Variants in CDH18 observed in about 807,000 individuals in gnomAD.
CDH18 encodes the protein cadherin-18.
Under a neutral mutation model 67.9 loss-of-function variants are expected in CDH18, and 31 were observed. That is an observed-to-expected ratio of 0.46 (90% CI 0.34 to 0.62). The LOEUF is 0.62. Ranked by LOEUF, CDH18 falls within the 20% of genes least tolerant of loss-of-function variation. The pLI, the probability that CDH18 is intolerant of heterozygous loss-of-function variation, is 0.01. For synonymous variants in CDH18, 362 were observed against 347.2 expected, an observed-to-expected ratio of 1.04 and a Z score of -0.48; for missense variants, 890 against 975.5, an observed-to-expected ratio of 0.91 and a Z score of 1.17.
chr5:20,527,690 CT>C (rs1270489108), intron 1 of CDH18, among the ~76,000 whole-genome samples: 1 of 151,992 alleles, frequency 6.6e-6, no homozygotes, highest in Non-Finnish European at 1.5e-5. Flanking sequence ...AAATAGAATC[CT>C]TTTCACACAA....
chr5:20,477,668 G>A (rs948306558), intron 1 of CDH18, among the ~76,000 whole-genome samples: 2 of 152,276 alleles, frequency 1.3e-5, no homozygotes, highest in South Asian at 2.1e-4. Context: ...GGGCTAAAGC[G>A]ATCTGGAATG....
intron 2 of CDH18, among the ~76,000 whole-genome samples, chr5:20,212,503 G>A (rs975057064): frequency 6.6e-6 from 1 of 151,948 alleles, no homozygotes; most frequent in Admixed American, 6.6e-5. Flanking sequence ...TGAAATGAAG[G>A]AAAAAATGTT....
chr5:19,588,923 A>G (rs570287160), intron 7 of CDH18, among the ~76,000 whole-genome samples: 1 of 152,238 alleles, frequency 6.6e-6, no homozygotes, highest in East Asian at 1.9e-4. Flanking sequence ...CTTCAAAGAG[A>G]CTTAGACTCC....
At position 19,994,734 on chromosome 5, in the gene CDH18, TATATAGAGAGAG is replaced by T. The variant is rs1457271165; in HGVS notation, c.-517-2732_-517-2721del. 5.1e-3 allele frequency among the ~76,000 whole-genome samples: 51 copies of T among 9,910 alleles called. 2 individuals carry two copies. The highest frequency in any genetic ancestry group is 0.012 in the Admixed American group (6 of 510). The allele number at this position is 9,910 out of a possible 152,430, so 6.5% of individuals were successfully genotyped here. A position where few individuals can be genotyped will look rare whatever the true frequency, so the allele number is the denominator to read the frequency against. The stretch of plus-strand genomic sequence containing the variant: ...ATATATATATATATATATATATATA[TATATAGAGAGAG>T]AGAGAGAGAGAGAGAGAGAGAGAGA... On this transcript the variant is annotated intron_variant, in intron 2 of 14. Transcript: ENST00000507958.
chr5:19,578,540 GT>G (rs1041740848), intron 7 of CDH18, among the ~76,000 whole-genome samples: 1,828 of 146,100 alleles, frequency 0.013, 36 homozygotes, highest in African/African-American at 0.043. Flanking sequence ...ATTAGTTTAG[GT>G]TTTTTTTTTA....
At chr5:20,398,570 G>T (rs911031286) in intron 1 of CDH18, among the ~76,000 whole-genome samples, 19 of 152,172 alleles carry the variant, frequency 1.2e-4, no homozygotes, top group Admixed American at 4.6e-4. Flanking sequence ...GTCCTAATGC[G>T]GGGCTTAAAA....
chr5:19,944,417 C>T (rs1383547837), intron 2 of CDH18, among the ~76,000 whole-genome samples: 1 of 152,050 alleles, frequency 6.6e-6, no homozygotes, highest in African/African-American at 2.4e-5. Context: ...ATTAAATGTA[C>T]TAGATTCACC....
At chr5:20,450,850 G>A (rs1280512364) in intron 1 of CDH18, among the ~76,000 whole-genome samples, 1 of 152,130 alleles carries the variant, frequency 6.6e-6, no homozygotes, top group African/African-American at 2.4e-5. Flanking sequence ...AGTTCCACAT[G>A]GCTAGGAAAG....
intron 4 of CDH18, among the ~76,000 whole-genome samples, chr5:19,746,182 A>G (rs1359589533): frequency 6.6e-6 from 1 of 152,174 alleles, no homozygotes; most frequent in African/African-American, 2.4e-5. Context: ...AATAAATTCA[A>G]ATAGCTACAC....
intron 1 of CDH18, among the ~76,000 whole-genome samples, chr5:20,547,337 C>T (rs551717789): frequency 3.5e-4 from 53 of 151,840 alleles, no homozygotes; most frequent in South Asian, 2.7e-3. Context: ...CCGAGTTGGG[C>T]GGATCATTAG....
chr5:19,473,795 C>A lies in CDH18; in HGVS notation c.1883-79G>T, dbSNP rs114339275. ...TAGAGATTTTACAACAGCAATTTCC[C>A]ATTTTCCCATTCGTCATTAACCACA... On this transcript the variant is annotated intron_variant, in intron 12 of 12. Transcript: ENST00000382275. The A allele has an allele frequency of 3.0e-4, 368 of 1,210,262 alleles. 2 individuals carry two copies. In the African/African-American group the frequency reaches 5.2e-3, roughly 17 times the overall value. 75.0% of individuals were successfully genotyped at this position (1,210,262 alleles called of 1,614,324 possible). A position where few individuals can be genotyped will look rare whatever the true frequency, so the allele number is the denominator to read the frequency against.
At chr5:20,378,068 T>G (rs866480092) in intron 1 of CDH18, among the ~76,000 whole-genome samples, 3 of 152,214 alleles carry the variant, frequency 2.0e-5, no homozygotes, top group Non-Finnish European at 4.4e-5. Flanking sequence ...TGAGGTGTTT[T>G]TGAGAGAGAA....
At chr5:20,424,899 C>T in intron 1 of CDH18, among the ~76,000 whole-genome samples, 1 of 150,350 alleles carries the variant, frequency 6.7e-6, no homozygotes, top group East Asian at 1.9e-4. Context: ...TCATCAGTCC[C>T]TCCTGGATAA....
intron 1 of CDH18, among the ~76,000 whole-genome samples, chr5:20,272,566 G>A (rs1023878665): frequency 1.3e-5 from 2 of 151,722 alleles, no homozygotes; most frequent in Non-Finnish European, 2.9e-5. Context: ...TTTGGAGTGA[G>A]ACTAAACAGA....
chr5:20,412,586 A>T (rs1251473683), intron 1 of CDH18, among the ~76,000 whole-genome samples: 1 of 152,192 alleles, frequency 6.6e-6, no homozygotes, highest in East Asian at 1.9e-4. Context: ...GAAATATTTG[A>T]TAACTATGCA....
At chr5:20,134,244 G>C (rs541863082) in intron 2 of CDH18, among the ~76,000 whole-genome samples, 1 of 152,232 alleles carries the variant, frequency 6.6e-6, no homozygotes, top group Admixed American at 6.5e-5. Flanking sequence ...CTAAAGTGCT[G>C]ATATTACAGA....
chr5:20,275,325 G>GCT (rs1011301532), intron 1 of CDH18, among the ~76,000 whole-genome samples: 13 of 151,544 alleles, frequency 8.6e-5, no homozygotes, highest in South Asian at 2.1e-4. Flanking sequence ...CCCCCATCAT[G>GCT]CTCTCTCTCT....
At position 19,782,786 on chromosome 5, in the gene CDH18, A is replaced by G. The variant is rs115216149; in HGVS notation, c.229-35550T>C. Among the ~76,000 whole-genome samples the G allele has an allele frequency of 9.5e-3, 1,442 of 152,228 alleles. 6 individuals carry two copies. Among genetic ancestry groups the G allele is most frequent in the African/African-American group, 0.016 (654 of 41,552 alleles). ...GCTTGGCCAAATTCCACTGCTCATG[A>G]TGTAAATGTTTCTTCTTGTTTTGAT... On this transcript the variant is annotated intron_variant, in intron 3 of 12. Transcript: ENST00000382275.
At chr5:19,854,554 G>A (rs1450967485) in intron 2 of CDH18, among the ~76,000 whole-genome samples, 1 of 151,924 alleles carries the variant, frequency 6.6e-6, no homozygotes, top group Non-Finnish European at 1.5e-5. Flanking sequence ...AGCTATTAAT[G>A]TAATACTTAG....
Sources: allele counts gnomAD v4.1 joint callset (sites outside exome capture counted in the v4.1 genomes callset), GRCh38; gene constraint gnomAD v4.1.1; transcripts MANE v1.5; gene names NCBI Gene and HGNC (gene_info 2026-07-23, HGNC 2026-07-21).